FLNB: variants seen among roughly 807,000 people sequenced by gnomAD.
FLNB encodes the protein filamin-B.
A neutral mutation model predicts 250.6 loss-of-function variants in FLNB; 111 were observed. The ratio of observed to expected loss-of-function variants is 0.44; its 90% CI spans 0.38 to 0.52. The LOEUF is 0.52. Ranked by LOEUF, FLNB falls within the 20% of genes least tolerant of loss-of-function variation. The pLI is 0.00. For missense variants in FLNB, 2,869 were observed against 3,447.8 expected (o/e 0.83, Z 4.20); for synonymous variants, 1,302 against 1,372.1 (o/e 0.95, Z 1.13).
rs143499528 is a variant in FLNB, at chr3:58,123,075, T to C, written c.3127-18T>C. On this transcript the variant is annotated intron_variant, in intron 20 of 45. Transcript: ENST00000295956. ...CAGCGATCCCAGTGCAGTTTGACTT[T>C]ATTCTTTGCTCAAATAGGTGAAGGC... 55 of 1,610,600 alleles carry C rather than the reference T, an allele frequency of 3.4e-5. No individual in the cohort carries two copies. In the East Asian group the frequency reaches 1.1e-3, roughly 32 times the overall value.
intron 20 of FLNB, 97 bp downstream of exon 20, chr3:58,121,600 T>A: frequency 6.6e-7 from 1 of 1,523,306 alleles, no homozygotes; most frequent in Non-Finnish European, 9.0e-7. Context: ...CTTCTGAAAA[T>A]CGTTTTGTGA....
At position 58,106,792 on chromosome 3, in the gene FLNB, C is replaced by T. The variant is rs757613361; in HGVS notation, c.1860C>T (p.Ile620=). 1 of 1,614,136 alleles carries T rather than the reference C, an allele frequency of 6.2e-7. No homozygotes were observed. The highest frequency in any genetic ancestry group is 2.2e-5 in the East Asian group (1 of 44,876). ...PKEPGEYAVH[I]MCDDEDIKDS... ...AGCCTGGCGAATATGCTGTTCACATCATGTGTGACGACGAAGACATCAAGG... is the reference window on the plus strand; with the variant it reads ...AGCCTGGCGAATATGCTGTTCACATTATGTGTGACGACGAAGACATCAAGG... Residue 620 remains isoleucine (I), a synonymous_variant, in exon 12 of 46, where the codon ATC becomes ATT. Coordinates refer to ENST00000295956, the MANE Select transcript of FLNB (RefSeq NM_001457.4).
At chr3:58,127,362 C>T (rs1295591560) in intron 24 of FLNB, among the ~76,000 whole-genome samples, 1 of 151,922 alleles carries the variant, frequency 6.6e-6, no homozygotes, top group Non-Finnish European at 1.5e-5. Flanking sequence ...AAAATTTCTA[C>T]CTTATTTTGT....
intron 1 of FLNB, among the ~76,000 whole-genome samples, chr3:58,069,611 G>A (rs765631322): frequency 6.6e-6 from 1 of 152,012 alleles, no homozygotes; most frequent in Non-Finnish European, 1.5e-5. Flanking sequence ...CGTCTGAGCC[G>A]GGTGGTTTAG....
At chr3:58,027,221 C>T (rs1658353) in intron 1 of FLNB, among the ~76,000 whole-genome samples, 4 of 151,788 alleles carry the variant, frequency 2.6e-5, no homozygotes, top group African/African-American at 4.8e-5. Flanking sequence ...GGCGCGATCT[C>T]GGCTCACCAC....
intron 4 of FLNB, among the ~76,000 whole-genome samples, chr3:58,083,491 C>T (rs999134631): frequency 3.3e-5 from 5 of 151,492 alleles, no homozygotes; most frequent in South Asian, 4.2e-4. Flanking sequence ...CTCAGCCTCC[C>T]GAGTAGCTGG....
Position 58,106,888 on chromosome 3 carries a change from G to T in FLNB, c.1941+15G>T, listed in dbSNP as rs1221575506. 2 of 1,610,938 alleles carry T rather than the reference G, an allele frequency of 1.2e-6. No individual in the cohort carries two copies. The highest frequency in any genetic ancestry group is 2.7e-5 in the African/African-American group (2 of 74,868). ...ACCCTGATCTGGTGAATCAGCTGCT[G>T]TGCTTCTGTCTTCTTGTCCCTGGCC... On this transcript the variant is annotated intron_variant, in intron 12 of 45. Coordinates refer to ENST00000295956, the MANE Select transcript of FLNB (RefSeq NM_001457.4).
At chr3:58,058,003 G>A (rs888269101) in intron 1 of FLNB, among the ~76,000 whole-genome samples, 5 of 152,114 alleles carry the variant, frequency 3.3e-5, no homozygotes, top group African/African-American at 1.2e-4. Flanking sequence ...TGGTCAGGCT[G>A]GTCTCGAACT....
intron 42 of FLNB, among the ~76,000 whole-genome samples, chr3:58,162,115 G>T (rs1207570180): frequency 6.6e-6 from 1 of 152,208 alleles, no homozygotes; most frequent in African/African-American, 2.4e-5. Context: ...GGGACTGTTG[G>T]AGGATGTTCA....
At position 58,169,535 on chromosome 3, in the gene FLNB, G is replaced by C; in HGVS notation, c.7418-55G>C. Reference sequence around the variant, plus strand: ...GGGTACTCGCCTGTCCTCTGGCTGAGAGACCCCTCTTGATCTGGCCATTCA... The same window carrying C: ...GGGTACTCGCCTGTCCTCTGGCTGACAGACCCCTCTTGATCTGGCCATTCA... On this transcript the variant is annotated intron_variant, in intron 44 of 45. Transcript: ENST00000295956. This position sits in a 1 kb window ranked among gnomAD's most constrained non-coding sequence, Gnocchi z 4.8. 1 of 1,442,178 alleles carries C rather than the reference G, an allele frequency of 6.9e-7. No homozygotes were observed. Among genetic ancestry groups the C allele is most frequent in the Non-Finnish European group, 9.8e-7 (1 of 1,023,244 alleles). 89.3% of individuals were successfully genotyped at this position (1,442,178 alleles called of 1,614,324 possible).
At chr3:58,086,598 C>T in intron 4 of FLNB, among the ~76,000 whole-genome samples, 1 of 152,034 alleles carries the variant, frequency 6.6e-6, no homozygotes, top group East Asian at 1.9e-4. Context: ...GAAAGATTAT[C>T]TTATTATATA....
intron 1 of FLNB, among the ~76,000 whole-genome samples, chr3:58,072,677 A>T (rs891886697): frequency 2.6e-5 from 4 of 152,220 alleles, no homozygotes. Context: ...CAGTTTTGGA[A>T]TGAGAACTGC....
chr3:58,156,136 C>A, intron 41 of FLNB, 61 bp downstream of exon 41: 1 of 1,280,910 alleles, frequency 7.8e-7, no homozygotes, highest in Admixed American at 1.7e-5. Context: ...CCCCTGGACT[C>A]CTGAGGCTGC....
At chr3:58,041,162 T>G (rs2097145491) in intron 1 of FLNB, among the ~76,000 whole-genome samples, 1 of 152,226 alleles carries the variant, frequency 6.6e-6, no homozygotes, top group African/African-American at 2.4e-5. Context: ...TCTGGGGAAC[T>G]CCACAAACCA....
chr3:58,039,410 A>G (rs1276090619), intron 1 of FLNB, among the ~76,000 whole-genome samples: 1 of 152,092 alleles, frequency 6.6e-6, no homozygotes, highest in Non-Finnish European at 1.5e-5. Context: ...CTTGTATCTA[A>G]GGGAAAGCCT....
rs56147140 is a variant in FLNB at position 58,123,703 on chromosome 3, TAAA to T, written c.3724+34_3724+36del. 26,052 of 1,093,256 alleles carry T rather than the reference TAAA, an allele frequency of 0.024. 6 individuals carry two copies. Among genetic ancestry groups the T allele is most frequent in the East Asian group, 0.075 (2,531 of 33,824 alleles). The allele number at this position is 1,093,256 out of a possible 1,614,324, so 67.7% of individuals were successfully genotyped here. On this transcript the variant is annotated intron_variant, in intron 21 of 45. Coordinates refer to ENST00000295956, the MANE Select transcript of FLNB (RefSeq NM_001457.4). ...ATAGAAGGGAAAGGTGGGTTTCATT[TAAA>T]AAAAAAAAAAAAAAAAAAAAGACAA...
chr3:58,149,827 A>G, intron 36 of FLNB, 23 bp from the exon 37 acceptor site: 1 of 1,614,208 alleles, frequency 6.2e-7, no homozygotes, highest in South Asian at 1.1e-5. Context: ...CTGTCAGAAC[A>G]GCCTGGGGCT....
chr3:58,132,679 G>T, intron 25 of FLNB, 129 bp from the exon 26 acceptor site: 1 of 1,157,222 alleles, frequency 8.6e-7, no homozygotes, highest in Non-Finnish European at 1.3e-6. Context: ...ATGGTTGCTG[G>T]CCTTTTTGTT....
At chr3:58,073,210 C>T (rs1370448580) in intron 1 of FLNB, among the ~76,000 whole-genome samples, 1 of 146,376 alleles carries the variant, frequency 6.8e-6, no homozygotes, top group Non-Finnish European at 1.5e-5. Flanking sequence ...TTGAAGATTG[C>T]TCTTCTCCCT....
Sources: gnomAD v4.1 joint callset for allele counts (sites outside exome capture counted in the v4.1 genomes callset) on GRCh38, gnomAD v4.1.1 for gene constraint, Gnocchi (gnomAD v3.1) non-coding constraint, MANE v1.5 for transcripts, NCBI Gene and HGNC (gene_info 2026-07-23, HGNC 2026-07-21) for gene names.